CPT1C: variants seen among roughly 807,000 people sequenced by gnomAD.
The protein encoded by CPT1C is palmitoyl thioesterase CPT1C.
Under a neutral mutation model 97.3 loss-of-function variants are expected in CPT1C, and 61 were observed. The ratio of observed to expected loss-of-function variants is 0.63; its 90% CI spans 0.51 to 0.78. The LOEUF (loss-of-function observed/expected upper bound fraction) is 0.78, where lower values mean the gene tolerates loss of function less well. CPT1C is among the 30% of genes least tolerant of loss of function. The pLI, the probability that CPT1C is intolerant of heterozygous loss-of-function variation, is 0.00. For missense variants in CPT1C, 975 were observed against 1,065.5 expected (o/e 0.92, Z 1.18); for synonymous variants, 469 against 447.2 (o/e 1.05, Z -0.61).
intron 6 of CPT1C, 25 bp downstream of exon 6, chr19:49,701,443 G>T (rs757093818): frequency 6.3e-7 from 1 of 1,590,142 alleles, no homozygotes; most frequent in African/African-American, 1.3e-5. Flanking sequence ...GCGCAGACGG[G>T]CTGGGGCGGC....
chr19:49,709,722 A>T (rs1245543520), intron 14 of CPT1C, among the ~76,000 whole-genome samples: 1 of 150,816 alleles, frequency 6.6e-6, no homozygotes, highest in East Asian at 1.9e-4. Context: ...ACCCGGCTAA[A>T]TTTTTTTATT....
Position 49,706,243 on chromosome 19 carries a change from C to G in CPT1C, c.1173C>G (p.Ala391=). ...CCGGGCCCTCCAGGGGCACGTGGGC[C>G]CAGGTGCGGACATCCCTGAAGACCC... The part of the protein sequence containing the change: ...ALTAAPRGTW[A]QVRTSLKTQA... Residue 391 remains alanine (A), a synonymous_variant, in exon 12 of 20, where the codon GCC becomes GCG. Coordinates refer to ENST00000598293, the MANE Select transcript of CPT1C (RefSeq NM_001199753.2). The surrounding 1 kb of genome is among the most constrained non-coding windows in gnomAD (Gnocchi z 4.8). 6.5e-7 allele frequency: 1 copy of G among 1,537,434 alleles called. No individual in the cohort carries two copies.
At chr19:49,694,598 C>A (rs965991031) in intron 3 of CPT1C, among the ~76,000 whole-genome samples, 2 of 145,588 alleles carry the variant, frequency 1.4e-5, no homozygotes, top group African/African-American at 5.1e-5. Context: ...CACTGCACTC[C>A]AGCCTGGGTG....
intron 16 of CPT1C, 36 bp downstream of exon 16, chr19:49,710,893 C>T: frequency 6.3e-7 from 1 of 1,584,812 alleles, no homozygotes; most frequent in East Asian, 2.3e-5. Context: ...TCAGTTATTT[C>T]TGTGTACTCA....
chr19:49,697,343 T>C lies in CPT1C; in HGVS notation c.159T>C (p.Gly53=). ...LSRFWNDFLT[G]VFPASPLSWL... The stretch of plus-strand genomic sequence containing the variant: ...CCCCACAGAATGACTTTCTCACCGG[T>C]GTGTTTCCTGCCAGCCCCCTCAGTT... Residue 53 remains glycine (G), a synonymous_variant, in exon 4 of 20, where the codon GGT becomes GGC. Transcript: ENST00000598293. 2 of 1,614,060 alleles carry C rather than the reference T, an allele frequency of 1.2e-6. No individual in the cohort carries two copies. The highest frequency in any genetic ancestry group is 1.7e-6 in the Non-Finnish European group (2 of 1,180,006).
rs1321736502 is a variant in CPT1C at position 49,697,480 on chromosome 19, C to T, written c.281+15C>T. 1 of 1,611,538 alleles carries T rather than the reference C, an allele frequency of 6.2e-7. No homozygotes were observed. Among genetic ancestry groups the T allele is most frequent in the African/African-American group, 1.3e-5 (1 of 74,874 alleles). On this transcript the variant is annotated intron_variant, in intron 4 of 19. Transcript: ENST00000598293. ...CTGCCTGACTGGTGAGGTCCCCCCA[C>T]TCCAGCCCAGTAACCCCCAATCACT...
At chr19:49,710,537 C>T in intron 15 of CPT1C, 53 bp downstream of exon 15, 1 of 1,606,652 alleles carries the variant, frequency 6.2e-7, no homozygotes, top group Non-Finnish European at 8.5e-7. Flanking sequence ...CCACCTGAGC[C>T]CCCAAGACCT....
At position 49,706,282 on chromosome 19, in the gene CPT1C, C is replaced by G; in HGVS notation, c.1212C>G (p.Ala404=). 1 of 1,539,350 alleles carries G rather than the reference C, an allele frequency of 6.5e-7. No individual in the cohort carries two copies. The highest frequency in any genetic ancestry group is 1.2e-5 in the South Asian group (1 of 81,864). Residue 404 remains alanine, a synonymous_variant, in exon 12 of 20, where the codon GCC becomes GCG. Transcript: ENST00000598293. This position sits in a 1 kb window ranked among gnomAD's most constrained non-coding sequence, Gnocchi z 4.8. Reference sequence around the variant, plus strand: ...CCCTGAAGACCCAGGCAGCGGAGGCCCTGGAGGCGGTGGAAGGGGCCGCTT... The same window carrying G: ...CCCTGAAGACCCAGGCAGCGGAGGCGCTGGAGGCGGTGGAAGGGGCCGCTT... The part of the protein sequence containing the change: ...RTSLKTQAAE[A]LEAVEGAAFF...
rs1261566906 is a variant in CPT1C, at chr19:49,713,474, C to T, written c.2281C>T (p.Leu761=). The change falls in exon 20 of 20, where the codon CTG becomes TTG. Residue 761 remains leucine (L), a synonymous_variant. Transcript: ENST00000598293. The part of the protein sequence containing the change: ...IEDALLDVAS[L]FQAGQHFKRR... Reference sequence around the variant, plus strand: ...GGACGCACTGCTGGATGTGGCCTCCCTGTTCCAGGCGGGACAGCATTTTAA... The same window carrying T: ...GGACGCACTGCTGGATGTGGCCTCCTTGTTCCAGGCGGGACAGCATTTTAA... 6.2e-7 allele frequency: 1 copy of T among 1,614,224 alleles called. No individual in the cohort carries two copies. The highest frequency in any genetic ancestry group is 8.5e-7 in the Non-Finnish European group (1 of 1,180,034).
intron 13 of CPT1C, among the ~76,000 whole-genome samples, 171 bp from the exon 14 acceptor site, chr19:49,708,552 G>A (rs1362724803): frequency 1.3e-5 from 2 of 152,144 alleles, no homozygotes; most frequent in Non-Finnish European, 2.9e-5. Flanking sequence ...ATTGGTGTTA[G>A]TCCTGTTCTT....
intron 3 of CPT1C, among the ~76,000 whole-genome samples, chr19:49,695,879 C>A (rs535252577): frequency 6.7e-6 from 1 of 148,528 alleles, no homozygotes; most frequent in Non-Finnish European, 1.5e-5. Flanking sequence ...TTGCCCCTGG[C>A]CTTTTTTTTG....
chr19:49,709,056 C>T (rs1431012680), intron 14 of CPT1C, among the ~76,000 whole-genome samples: 3 of 151,864 alleles, frequency 2.0e-5, no homozygotes, highest in African/African-American at 7.3e-5. Context: ...ACCGTCCTCC[C>T]ACTGCCAATC....
Position 49,701,355 on chromosome 19 carries a change from G to A in CPT1C, c.492G>A (p.Leu164=). Reference sequence around the variant, plus strand: ...TCTTCTCTGGCCGCCACCCGATGCTGTTCAGTTACCAGCGCTCCCTGCCAC... The same window carrying A: ...TCTTCTCTGGCCGCCACCCGATGCTATTCAGTTACCAGCGCTCCCTGCCAC... ...VRIFSGRHPM[L]FSYQRSLPRQ... The change falls in exon 6 of 20, where the codon CTG becomes CTA. Residue 164 remains leucine, a synonymous_variant. Transcript: ENST00000598293. The A allele has an allele frequency of 1.2e-6, 2 of 1,613,618 alleles. No homozygotes were observed. The highest frequency in any genetic ancestry group is 2.7e-5 in the African/African-American group (2 of 75,014).
At chr19:49,692,753 G>T (rs987131625) in intron 3 of CPT1C, among the ~76,000 whole-genome samples, 7 of 152,190 alleles carry the variant, frequency 4.6e-5, no homozygotes, top group African/African-American at 1.7e-4. Flanking sequence ...CTGAGACACA[G>T]TCTCACTCTG....
chr19:49,708,170 A>G (rs1600131530), intron 13 of CPT1C, among the ~76,000 whole-genome samples: 1 of 151,940 alleles, frequency 6.6e-6, no homozygotes, highest in Non-Finnish European at 1.5e-5. Context: ...AGAGTCACAC[A>G]GCGAGGAGTT....
chr19:49,710,848 A>C lies in CPT1C; in HGVS notation c.1857A>C (p.Lys619Asn). ...ACTTTGTCAGGGCCATGGAGGACAA[A>C]GAGAAGACGGTGGGTGCAGCCCTCG... ...ACNFVRAMED[K>N]EKTDPQCLAL... is the part of the protein sequence containing the mutation. The change falls in exon 16 of 20, where the codon AAA (lysine) becomes AAC (asparagine). Residue 619 changes from lysine to asparagine, a missense_variant. Lys to Asn is a moderately conservative substitution (Grantham distance 94, BLOSUM62 0). Transcript: ENST00000598293. 6.2e-7 allele frequency: 1 copy of C among 1,612,212 alleles called. No individual in the cohort carries two copies. The highest frequency in any genetic ancestry group is 1.1e-5 in the South Asian group (1 of 91,028).
intron 3 of CPT1C, among the ~76,000 whole-genome samples, chr19:49,694,764 G>A (rs1225753024): frequency 6.6e-6 from 1 of 152,042 alleles, no homozygotes; most frequent in Non-Finnish European, 1.5e-5. Context: ...AACAGCCACT[G>A]CCTTGAACTC....
rs1282506872 is a variant in CPT1C at position 49,706,911 on chromosome 19, C to G, written c.1343+498C>G. Among the ~76,000 whole-genome samples the G allele has an allele frequency of 6.6e-6, 1 of 152,170 alleles. No homozygotes were observed. The highest frequency in any genetic ancestry group is 1.5e-5 in the Non-Finnish European group (1 of 68,036). ...CAGGCATCACTGAATTCCTAGGCCCCAGGGGGGTCCCGCTGACCTCCCAGC... is the reference window on the plus strand; with the variant it reads ...CAGGCATCACTGAATTCCTAGGCCCGAGGGGGGTCCCGCTGACCTCCCAGC... On this transcript the variant is annotated intron_variant, in intron 12 of 19. Coordinates refer to ENST00000598293, the MANE Select transcript of CPT1C (RefSeq NM_001199753.2). This position sits in a 1 kb window ranked among gnomAD's most constrained non-coding sequence, Gnocchi z 4.8.
At chr19:49,704,662 C>A (rs931122771) in intron 7 of CPT1C, 48 bp from the exon 8 acceptor site, 17 of 1,472,944 alleles carry the variant, frequency 1.2e-5, no homozygotes, top group Admixed American at 1.7e-5. Flanking sequence ...TGTCCCTCCC[C>A]CAACAGGCCC....
Sources: allele counts gnomAD v4.1 joint callset (sites outside exome capture counted in the v4.1 genomes callset), GRCh38; gene constraint gnomAD v4.1.1; non-coding constraint Gnocchi (gnomAD v3.1); transcripts MANE v1.5; gene names NCBI Gene and HGNC (gene_info 2026-07-23, HGNC 2026-07-21).